The following MYO6 variants were observed in gnomAD, a reference collection of about 807,000 sequenced individuals.
MYO6 encodes the protein unconventional myosin-VI.
In MYO6, 74 loss-of-function variants were observed where a neutral mutation model predicts 178.7. The ratio of observed to expected loss-of-function variants is 0.41; its 90% CI spans 0.34 to 0.50. MYO6 has a LOEUF of 0.50. Among genes scored for constraint, MYO6 ranks in the 20% least tolerant of loss-of-function variants. The pLI is 0.09. For missense variants in MYO6, 1,330 were observed against 1,547.4 expected (o/e 0.86, Z 2.36); for synonymous variants, 477 against 504.6 (o/e 0.95, Z 0.73).
At chr6:75,907,160 T>C (rs970026065) in intron 30 of MYO6, among the ~76,000 whole-genome samples, 3 of 152,184 alleles carry the variant, frequency 2.0e-5, no homozygotes, top group Non-Finnish European at 2.9e-5. Context: ...ATTTCCGCAG[T>C]CTCTCCAGGT....
intron 1 of MYO6, among the ~76,000 whole-genome samples, chr6:75,781,032 C>CA (rs1766929911): frequency 6.6e-6 from 1 of 152,024 alleles, no homozygotes; most frequent in Non-Finnish European, 1.5e-5. Flanking sequence ...AGGTCGGTCT[C>CA]AAACTCCTGA....
chr6:75,819,944 C>G (rs1422015812), intron 2 of MYO6, among the ~76,000 whole-genome samples: 1 of 152,080 alleles, frequency 6.6e-6, no homozygotes, highest in Non-Finnish European at 1.5e-5. Flanking sequence ...TTTAGCTACT[C>G]TGGTGGCTGA....
intron 16 of MYO6, 74 bp from the exon 17 acceptor site, chr6:75,866,452 C>T: frequency 8.4e-7 from 1 of 1,196,814 alleles, no homozygotes; most frequent in Non-Finnish European, 1.2e-6. Flanking sequence ...TTTTACATCT[C>T]AGTTGTTTTG....
intron 1 of MYO6, among the ~76,000 whole-genome samples, chr6:75,787,522 C>T (rs1476204400): frequency 6.6e-6 from 1 of 151,224 alleles, no homozygotes; most frequent in African/African-American, 2.4e-5. Flanking sequence ...AATTCTAGAA[C>T]AGGCAAAAGT....
chr6:75,853,977 G>A (rs561646154), intron 11 of MYO6, among the ~76,000 whole-genome samples: 31 of 152,190 alleles, frequency 2.0e-4, no homozygotes, highest in African/African-American at 7.5e-4. Context: ...TGTGCACAAA[G>A]AGAATAAGTA....
intron 2 of MYO6, 117 bp downstream of exon 2, chr6:75,817,781 T>A: frequency 1.1e-6 from 1 of 909,554 alleles, no homozygotes; most frequent in Non-Finnish European, 1.8e-6. Context: ...ATATTTCTGG[T>A]AAGTGAGTCT....
At chr6:75,893,928 T>C (rs1213645982) in intron 28 of MYO6, among the ~76,000 whole-genome samples, 1 of 152,214 alleles carries the variant, frequency 6.6e-6, no homozygotes, top group Non-Finnish European at 1.5e-5. Flanking sequence ...TCCTTCCACC[T>C]GTGTTGCATC....
chr6:75,913,673 G>A (rs1398164194), intron 33 of MYO6, among the ~76,000 whole-genome samples: 2 of 152,232 alleles, frequency 1.3e-5, no homozygotes, highest in East Asian at 3.9e-4. Flanking sequence ...TTGAATAAAA[G>A]TTACTGTACA....
chr6:75,783,845 G>A lies in MYO6; in HGVS notation c.-47-33656G>A, dbSNP rs145578634. Among the ~76,000 whole-genome samples the A allele has an allele frequency of 1.6e-3, 238 of 152,290 alleles. 1 individual carries two copies. The highest frequency in any genetic ancestry group is 6.8e-3 in the Middle Eastern group (2 of 294). Reference sequence around the variant, plus strand: ...AAGGTGAGGGGAGCAAAAAGGCTGTGTATTAGGAAGAGGTCAGATTTCTGC... The same window carrying A: ...AAGGTGAGGGGAGCAAAAAGGCTGTATATTAGGAAGAGGTCAGATTTCTGC... On this transcript the variant is annotated intron_variant, in intron 1 of 34. Transcript: ENST00000369977.
chr6:75,827,344 C>A (rs1014328128), intron 3 of MYO6, among the ~76,000 whole-genome samples: 1 of 151,952 alleles, frequency 6.6e-6, no homozygotes, highest in Non-Finnish European at 1.5e-5. Context: ...TACATGGAAG[C>A]CGATAGATGA....
At chr6:75,906,198 T>A (rs993772603) in intron 30 of MYO6, among the ~76,000 whole-genome samples, 1 of 151,228 alleles carries the variant, frequency 6.6e-6, no homozygotes, top group Non-Finnish European at 1.5e-5. Flanking sequence ...TTGTGCCACC[T>A]TCTTTTCATG....
At chr6:75,828,117 C>G (rs1772667124) in intron 3 of MYO6, among the ~76,000 whole-genome samples, 1 of 152,176 alleles carries the variant, frequency 6.6e-6, no homozygotes. Context: ...ATTTGATGGT[C>G]TGTTCCCATT....
At chr6:75,804,316 C>A (rs1016355919) in intron 1 of MYO6, among the ~76,000 whole-genome samples, 7 of 152,210 alleles carry the variant, frequency 4.6e-5, no homozygotes, top group Non-Finnish European at 7.3e-5. Flanking sequence ...GCCCCATTTT[C>A]TCACAGTATC....
intron 34 of MYO6, 96 bp from the exon 35 acceptor site, chr6:75,914,717 A>T: frequency 8.3e-7 from 1 of 1,204,856 alleles, no homozygotes; most frequent in Non-Finnish European, 1.2e-6. Flanking sequence ...GGAAGTTTTC[A>T]AATCTATGAG....
intron 1 of MYO6, among the ~76,000 whole-genome samples, chr6:75,757,469 C>T (rs1426473814): frequency 6.6e-6 from 1 of 150,596 alleles, no homozygotes; most frequent in Admixed American, 6.6e-5. Flanking sequence ...AGGTGGGCGA[C>T]CTTGGTGTGG....
intron 1 of MYO6, among the ~76,000 whole-genome samples, chr6:75,750,811 C>A (rs754834602): frequency 6.6e-6 from 1 of 151,284 alleles, no homozygotes; most frequent in Non-Finnish European, 1.5e-5. Flanking sequence ...AACTCCTGAC[C>A]TCAGGTGATC....
chr6:75,822,980 A>G (rs572084208), intron 3 of MYO6, 129 bp downstream of exon 3: 2 of 734,272 alleles, frequency 2.7e-6, no homozygotes, highest in South Asian at 3.1e-5. Context: ...TGACATGAAT[A>G]TTCATGTGAA....
intron 2 of MYO6, among the ~76,000 whole-genome samples, chr6:75,819,436 G>A (rs1253866619): frequency 6.6e-6 from 1 of 152,210 alleles, no homozygotes; most frequent in Non-Finnish European, 1.5e-5. Flanking sequence ...AGTACATAAA[G>A]GGGTGGACTG....
chr6:75,787,874 T>G lies in MYO6; in HGVS notation c.-47-29627T>G, dbSNP rs1238461744. 2.0e-5 allele frequency among the ~76,000 whole-genome samples: 3 copies of G among 149,342 alleles called. No individual in the cohort carries two copies. In the East Asian group the frequency reaches 5.9e-4, roughly 29 times the overall value. On this transcript the variant is annotated intron_variant, in intron 1 of 34. Transcript: ENST00000369977. Reference sequence around the variant, plus strand: ...TCCTGGGATCAAGTGATCCTCCCACTTCAGCTTCCCAAGTAGCTGGGACTA... The same window carrying G: ...TCCTGGGATCAAGTGATCCTCCCACGTCAGCTTCCCAAGTAGCTGGGACTA...
Sources: allele counts gnomAD v4.1 joint callset (sites outside exome capture counted in the v4.1 genomes callset), GRCh38; gene constraint gnomAD v4.1.1; transcripts MANE v1.5; gene names NCBI Gene and HGNC (gene_info 2026-07-23, HGNC 2026-07-21).